RAB31: variants seen among roughly 807,000 people sequenced by gnomAD.
The protein encoded by RAB31 is ras-related protein Rab-31.
A neutral mutation model predicts 25.6 loss-of-function variants in RAB31; 21 were observed. The ratio of observed to expected loss-of-function variants is 0.82; its 90% CI spans 0.58 to 1.18. The LOEUF (loss-of-function observed/expected upper bound fraction) is 1.18, where lower values mean the gene tolerates loss of function less well. RAB31 is among the 50% of genes most tolerant of loss of function. The probability of loss-of-function intolerance (pLI) is 0.00; values close to 1 mark genes in which losing one functional copy is unlikely to be tolerated. For synonymous variants in RAB31, 87 were observed against 84.0 expected, an observed-to-expected ratio of 1.04 and a Z score of -0.20; for missense variants, 196 against 250.1, an observed-to-expected ratio of 0.78 and a Z score of 1.46.
chr18:9,811,432 AGTAT>A (rs2068570263), intron 3 of RAB31, among the ~76,000 whole-genome samples: 1 of 152,216 alleles, frequency 6.6e-6, no homozygotes, highest in African/African-American at 2.4e-5. Context: ...CAGTTTGGCA[AGTAT>A]TGATCCAATG....
At chr18:9,754,254 T>C (rs1171737048) in intron 1 of RAB31, among the ~76,000 whole-genome samples, 1 of 152,176 alleles carries the variant, frequency 6.6e-6, no homozygotes, top group East Asian at 1.9e-4. Context: ...GGGAAAAAAA[T>C]TGTGTCTGTA....
intron 3 of RAB31, among the ~76,000 whole-genome samples, chr18:9,803,184 T>C (rs1216684541): frequency 6.6e-6 from 1 of 151,570 alleles, no homozygotes; most frequent in Non-Finnish European, 1.5e-5. Flanking sequence ...GAGTTTTTGC[T>C]CTCCTCCCAC....
chr18:9,756,516 G>T (rs1225506580), intron 1 of RAB31, among the ~76,000 whole-genome samples: 1 of 149,314 alleles, frequency 6.7e-6, no homozygotes, highest in Non-Finnish European at 1.5e-5. Context: ...CCTTGGCTTG[G>T]CAGTCGGCAA....
intron 5 of RAB31, among the ~76,000 whole-genome samples, chr18:9,818,000 C>G (rs1430431924): frequency 6.6e-6 from 1 of 152,170 alleles, no homozygotes; most frequent in Non-Finnish European, 1.5e-5. Flanking sequence ...TCTTGTTTGG[C>G]CTCAGTGAGG....
chr18:9,719,298 A>AAAT (rs1568161256), intron 1 of RAB31, among the ~76,000 whole-genome samples: 4 of 23,102 alleles, frequency 1.7e-4, no homozygotes, highest in Non-Finnish European at 3.6e-4. Flanking sequence ...AAAAAAAAAA[A>AAAT]ATATATATAT....
In RAB31 at chr18:9,837,701, A is replaced by G. The variant is rs141235939; in HGVS notation, c.381-7881A>G. On this transcript the variant is annotated intron_variant, in intron 5 of 6. Coordinates refer to ENST00000578921, the MANE Select transcript of RAB31 (RefSeq NM_006868.4). ...AACAAGAAACACTCATGGCTTCTAA[A>G]AAGTTATTCACCATCCTTGAATAAA... is the stretch of plus-strand genomic sequence containing the variant. Among the ~76,000 whole-genome samples the G allele has an allele frequency of 2.6e-4, 39 of 152,396 alleles. No homozygotes were observed. The Middle Eastern group carries it at 0.01, about 40-fold the overall frequency.
chr18:9,777,939 G>A (rs1485964659), intron 2 of RAB31, among the ~76,000 whole-genome samples: 1 of 151,938 alleles, frequency 6.6e-6, no homozygotes, highest in Non-Finnish European at 1.5e-5. Flanking sequence ...ACTTTTAATA[G>A]AGATGGGGTT....
intron 6 of RAB31, among the ~76,000 whole-genome samples, chr18:9,847,731 C>G (rs1477327191): frequency 6.6e-6 from 1 of 152,142 alleles, no homozygotes; most frequent in Non-Finnish European, 1.5e-5. Flanking sequence ...CACCACCACA[C>G]TCAGCTAAAT....
At chr18:9,769,621 A>C (rs1248749971) in intron 1 of RAB31, among the ~76,000 whole-genome samples, 1 of 152,228 alleles carries the variant, frequency 6.6e-6, no homozygotes, top group East Asian at 1.9e-4. Flanking sequence ...ATATGCAATC[A>C]TGTCATCTGC....
At chr18:9,711,461 C>T (rs2068016909) in intron 1 of RAB31, among the ~76,000 whole-genome samples, 9 of 152,220 alleles carry the variant, frequency 5.9e-5, no homozygotes, top group African/African-American at 2.4e-5. Context: ...CAGCCTCAGC[C>T]TCCCAAGCTC....
intron 3 of RAB31, 38 bp from the exon 4 acceptor site, chr18:9,813,982 T>C (rs1050966481): frequency 7.1e-7 from 1 of 1,415,910 alleles, no homozygotes; most frequent in African/African-American, 1.4e-5. Context: ...ATAAAGTCTG[T>C]TCACTTTGGC....
intron 5 of RAB31, among the ~76,000 whole-genome samples, chr18:9,822,647 A>G (rs2068629637): frequency 6.6e-6 from 1 of 152,218 alleles, no homozygotes; most frequent in Non-Finnish European, 1.5e-5. Context: ...GGCAAAAGAC[A>G]TAAACAGACA....
At position 9,743,592 on chromosome 18, in the gene RAB31, G is replaced by A. The variant is rs182062091; in HGVS notation, c.40-31686G>A. ...TGGGTTTGGGAAAGCTCCTGGGTCCGGCCCTCCCGGATATGCTTCCTGCCC... is the reference window on the plus strand; with the variant it reads ...TGGGTTTGGGAAAGCTCCTGGGTCCAGCCCTCCCGGATATGCTTCCTGCCC... On this transcript the variant is annotated intron_variant, in intron 1 of 6. Coordinates refer to ENST00000578921, the MANE Select transcript of RAB31 (RefSeq NM_006868.4). Among the ~76,000 whole-genome samples the A allele has an allele frequency of 4.9e-3, 741 of 152,248 alleles. 2 individuals carry two copies. Among genetic ancestry groups the A allele is most frequent in the Non-Finnish European group, 6.6e-3 (446 of 68,016 alleles).
chr18:9,725,790 G>T (rs2045228), intron 1 of RAB31, among the ~76,000 whole-genome samples: 1 of 152,090 alleles, frequency 6.6e-6, no homozygotes, highest in East Asian at 1.9e-4. Flanking sequence ...GGAGTTACAG[G>T]TAACTGTTTG....
intron 1 of RAB31, among the ~76,000 whole-genome samples, chr18:9,730,096 A>T (rs2068115139): frequency 6.6e-6 from 1 of 152,212 alleles, no homozygotes; most frequent in South Asian, 2.1e-4. Flanking sequence ...GATACAACGA[A>T]ATCCAGCTCC....
chr18:9,816,070 A>C (rs1418672736), intron 5 of RAB31: 2 of 94,906 alleles, frequency 2.1e-5, no homozygotes, highest in African/African-American at 9.2e-5. Context: ...GCTGTCCTCC[A>C]TCCCTGAGTG....
chr18:9,824,988 C>A (rs2068643006), intron 5 of RAB31, among the ~76,000 whole-genome samples: 1 of 152,232 alleles, frequency 6.6e-6, no homozygotes, highest in African/African-American at 2.4e-5. Context: ...TCTCCCTCCC[C>A]ATGAATGTTC....
At chr18:9,735,021 G>A (rs766440839) in intron 1 of RAB31, 27 of 190,592 alleles carry the variant, frequency 1.4e-4, no homozygotes, top group Non-Finnish European at 2.5e-4. Flanking sequence ...CGTTGTTGTT[G>A]TTTTGTTTTT....
intron 1 of RAB31, among the ~76,000 whole-genome samples, chr18:9,756,953 A>G (rs960175668): frequency 4.6e-5 from 7 of 152,118 alleles, no homozygotes; most frequent in South Asian, 2.1e-4. Flanking sequence ...GTTCTGATTG[A>G]TTGGTGCCTT....
Sources: allele counts gnomAD v4.1 joint callset (sites outside exome capture counted in the v4.1 genomes callset), GRCh38; gene constraint gnomAD v4.1.1; transcripts MANE v1.5; gene names NCBI Gene and HGNC (gene_info 2026-07-23, HGNC 2026-07-21).